CNTNAP2: variants seen among roughly 807,000 people sequenced by gnomAD.
CNTNAP2 encodes the protein contactin associated protein 2.
A neutral mutation model predicts 155.2 loss-of-function variants in CNTNAP2; 98 were observed. That is an observed-to-expected ratio of 0.63 (90% CI 0.54 to 0.75). CNTNAP2 has a LOEUF of 0.75. Among genes scored for constraint, CNTNAP2 ranks in the 30% least tolerant of loss-of-function variants. The pLI, the probability that CNTNAP2 is intolerant of heterozygous loss-of-function variation, is 0.00. For synonymous variants in CNTNAP2, 651 were observed against 631.2 expected (o/e 1.03, Z -0.47); for missense variants, 1,727 against 1,688.1 (o/e 1.02, Z -0.40).
chr7:147,032,753 G>A (rs1418656518), intron 3 of CNTNAP2, among the ~76,000 whole-genome samples: 2 of 151,938 alleles, frequency 1.3e-5, no homozygotes, highest in Non-Finnish European at 2.9e-5. Context: ...TTGGAGAGAA[G>A]GAAGAAGAGG....
chr7:146,785,084 T>C (rs1802553200), intron 2 of CNTNAP2, among the ~76,000 whole-genome samples: 2 of 151,196 alleles, frequency 1.3e-5, no homozygotes, highest in South Asian at 4.2e-4. Context: ...GATCCTCCCA[T>C]CTCAGCCTCC....
At chr7:146,453,188 G>A (rs969400686) in intron 1 of CNTNAP2, among the ~76,000 whole-genome samples, 2 of 152,276 alleles carry the variant, frequency 1.3e-5, no homozygotes, top group Non-Finnish European at 1.5e-5. Context: ...GAACTGATTC[G>A]GGAGTGTTTG....
intron 1 of CNTNAP2, among the ~76,000 whole-genome samples, chr7:146,590,738 C>T (rs1481878774): frequency 6.6e-6 from 1 of 152,164 alleles, no homozygotes; most frequent in African/African-American, 2.4e-5. Context: ...TGATATGTTT[C>T]TGTGCATGCC....
chr7:147,657,859 A>G (rs1240496216), intron 13 of CNTNAP2, among the ~76,000 whole-genome samples: 2 of 152,150 alleles, frequency 1.3e-5, no homozygotes, highest in Non-Finnish European at 2.9e-5. Flanking sequence ...TTGCCTGAGT[A>G]TCGGGTTTAG....
At chr7:146,954,693 A>G (rs1385386245) in intron 3 of CNTNAP2, among the ~76,000 whole-genome samples, 2 of 151,392 alleles carry the variant, frequency 1.3e-5, no homozygotes, top group Non-Finnish European at 3.0e-5. Context: ...CTTTTGTGAT[A>G]TGTGTTTTAT....
At chr7:147,482,672 G>T (rs1181624660) in intron 10 of CNTNAP2, among the ~76,000 whole-genome samples, 1 of 151,814 alleles carries the variant, frequency 6.6e-6, no homozygotes, top group Non-Finnish European at 1.5e-5. Flanking sequence ...AGTGAGCCGA[G>T]ATCGCGCCAC....
intron 1 of CNTNAP2, among the ~76,000 whole-genome samples, chr7:146,571,985 C>T (rs1798448470): frequency 6.6e-6 from 1 of 152,164 alleles, no homozygotes; most frequent in Admixed American, 6.6e-5. Context: ...TCCCGAAGTG[C>T]CGGGATTACA....
At chr7:146,369,529 G>A (rs7782691) in intron 1 of CNTNAP2, among the ~76,000 whole-genome samples, 1 of 152,084 alleles carries the variant, frequency 6.6e-6, no homozygotes, top group Non-Finnish European at 1.5e-5. Flanking sequence ...TACGTTTTCA[G>A]TTAAAATGTA....
intron 11 of CNTNAP2, among the ~76,000 whole-genome samples, chr7:147,535,055 G>T (rs1361928886): frequency 2.6e-5 from 4 of 151,980 alleles, no homozygotes; most frequent in African/African-American, 9.7e-5. Context: ...TTATCCAGGG[G>T]GTTATTAAAT....
At chr7:147,636,421 T>C (rs1044196405) in intron 12 of CNTNAP2, among the ~76,000 whole-genome samples, 1 of 149,174 alleles carries the variant, frequency 6.7e-6, no homozygotes, top group African/African-American at 2.6e-5. Flanking sequence ...TATTTAACTT[T>C]TACTTTTTTA....
intron 1 of CNTNAP2, among the ~76,000 whole-genome samples, chr7:146,711,446 G>A (rs1026258296): frequency 6.8e-6 from 1 of 147,112 alleles, no homozygotes; most frequent in African/African-American, 2.5e-5. Context: ...AGGTATATAT[G>A]TTCATATTTA....
chr7:147,569,590 T>C (rs1303141637), intron 12 of CNTNAP2, among the ~76,000 whole-genome samples: 1 of 152,208 alleles, frequency 6.6e-6, no homozygotes, highest in Non-Finnish European at 1.5e-5. Context: ...TACAGGTTTG[T>C]AGCCTAGGAG....
intron 12 of CNTNAP2, among the ~76,000 whole-genome samples, chr7:147,628,674 T>C (rs74211387): frequency 2.6e-5 from 4 of 152,038 alleles, no homozygotes; most frequent in African/African-American, 7.2e-5. Flanking sequence ...TTAAAAGATA[T>C]AGAATGGCAG....
chr7:147,894,965 CT>C lies in CNTNAP2; in HGVS notation c.2099-8577del, dbSNP rs1175962918. ...TCTTTCTTTCTTTCTTTCTTTCTTT[CT>C]TTTTTTTTTTTTTTTTTTTTTTGAG... On this transcript the variant is annotated intron_variant, in intron 13 of 23. Transcript: ENST00000361727. Among the ~76,000 whole-genome samples the C allele has an allele frequency of 2.9e-3, 105 of 36,180 alleles. 1 individual carries two copies. The highest frequency in any genetic ancestry group is 0.027 in the Admixed American group (65 of 2,392). 23.7% of individuals were successfully genotyped at this position (36,180 alleles called of 152,430 possible).
chr7:146,198,943 A>G (rs1312010391), intron 1 of CNTNAP2, among the ~76,000 whole-genome samples: 1 of 152,210 alleles, frequency 6.6e-6, no homozygotes, highest in Non-Finnish European at 1.5e-5. Flanking sequence ...ATATATCAAC[A>G]TATACTACAT....
intron 1 of CNTNAP2, among the ~76,000 whole-genome samples, chr7:146,377,838 T>C (rs1795324986): frequency 6.6e-6 from 1 of 152,222 alleles, no homozygotes; most frequent in South Asian, 2.1e-4. Context: ...TTATTAATTG[T>C]TGAAGTTGGA....
chr7:146,997,808 T>A (rs1010427897), intron 3 of CNTNAP2, among the ~76,000 whole-genome samples: 2 of 152,128 alleles, frequency 1.3e-5, no homozygotes, highest in African/African-American at 4.8e-5. Flanking sequence ...TTTATTGATT[T>A]CTCCTAGGTT....
chr7:147,550,805 T>C (rs562374526), intron 11 of CNTNAP2, among the ~76,000 whole-genome samples: 5 of 152,196 alleles, frequency 3.3e-5, no homozygotes, highest in African/African-American at 1.2e-4. Context: ...AACTAACAAG[T>C]AAAGGCAGAA....
intron 9 of CNTNAP2, among the ~76,000 whole-genome samples, chr7:147,332,156 A>T (rs1247239293): frequency 6.6e-6 from 1 of 152,190 alleles, no homozygotes; most frequent in African/African-American, 2.4e-5. Flanking sequence ...CTTACCTCAC[A>T]TTAATGAAGA....
Sources: gnomAD v4.1 joint callset for allele counts (sites outside exome capture counted in the v4.1 genomes callset) on GRCh38, gnomAD v4.1.1 for gene constraint, MANE v1.5 for transcripts, NCBI Gene and HGNC (gene_info 2026-07-23, HGNC 2026-07-21) for gene names.